The following KLHL15 variants were observed in gnomAD, a reference collection of about 807,000 sequenced individuals.
The protein encoded by KLHL15 is kelch-like protein 15.
KLHL15 carries 1 observed loss-of-function variant against 29.3 expected under a neutral mutation model. The ratio of observed to expected loss-of-function variants is 0.03; its 90% CI spans 0.01 to 0.16. The LOEUF (loss-of-function observed/expected upper bound fraction) is 0.16, where lower values mean the gene tolerates loss of function less well. Ranked by LOEUF, KLHL15 falls within the 10% of genes least tolerant of loss-of-function variation. KLHL15 has a pLI of 1.00. For missense variants in KLHL15, 215 were observed against 478.5 expected (o/e 0.45, Z 5.14); for synonymous variants, 212 against 184.5 (o/e 1.15, Z -1.21).
At chrX:24,019,400 A>G (rs1209710048) in intron 2 of KLHL15, among the ~76,000 whole-genome samples, 3 of 110,352 alleles carry the variant, frequency 2.7e-5, no homozygotes, top group Non-Finnish European at 5.7e-5. Flanking sequence ...GGATTACAGG[A>G]GCCCACCACC....
chrX:24,017,175 G>T (rs1272455669), intron 2 of KLHL15, among the ~76,000 whole-genome samples: 1 of 99,197 alleles, frequency 1.0e-5, no homozygotes, highest in Non-Finnish European at 2.0e-5. Context: ...TGGCGCCATT[G>T]TACTCCAGCC....
intron 2 of KLHL15, among the ~76,000 whole-genome samples, chrX:24,008,087 T>A (rs955507879): frequency 2.6e-4 from 29 of 111,782 alleles, no homozygotes; most frequent in Admixed American, 1.7e-3. Flanking sequence ...CTCATTACCC[T>A]TACTTTGAAA....
In KLHL15 at chrX:24,023,016, T is replaced by A. The variant is rs1041878589; in HGVS notation, c.-8+1841A>T. Among the ~76,000 whole-genome samples the A allele has an allele frequency of 2.7e-5, 3 of 111,984 alleles. No individual in the cohort carries two copies. The East Asian group carries it at 8.4e-4, about 31-fold the overall frequency. On this transcript the variant is annotated intron_variant, in intron 2 of 3. Coordinates refer to ENST00000328046, the MANE Select transcript of KLHL15 (RefSeq NM_030624.3). ...TCCCAAAGTGCTGGGATTACAGGCC[T>A]GAGCCACCGCTCCCGGCTCTCAGTG... is the stretch of plus-strand genomic sequence containing the variant.
rs1474299494 is a variant in KLHL15 at position 23,984,230 on chromosome X, G to A, written c.*3691C>T. On this transcript the variant is annotated 3_prime_UTR_variant, in exon 4 of 4. Coordinates refer to ENST00000328046, the MANE Select transcript of KLHL15 (RefSeq NM_030624.3). Reference sequence around the variant, plus strand: ...TAATATTGAAGTTATACGGTGTACTGAAAGGATATGATTTCCATGAATTTA... The same window carrying A: ...TAATATTGAAGTTATACGGTGTACTAAAAGGATATGATTTCCATGAATTTA... 8.9e-6 allele frequency: 1 copy of A among 112,039 alleles called. No homozygotes were observed. Among genetic ancestry groups the A allele is most frequent in the African/African-American group, 3.2e-5 (1 of 30,897 alleles). 9.2% of individuals were successfully genotyped at this position (112,039 alleles called of 1,213,427 possible).
chrX:24,000,259 G>A (rs1234935474), intron 3 of KLHL15, among the ~76,000 whole-genome samples: 1 of 111,391 alleles, frequency 9.0e-6, no homozygotes, highest in Non-Finnish European at 1.9e-5. Context: ...GCTGAGGCAG[G>A]CAGATCATGA....
At position 23,987,011 on chromosome X, in the gene KLHL15, A is replaced by C. The variant is rs1928998076; in HGVS notation, c.*910T>G. The C allele has an allele frequency of 8.9e-6, 1 of 112,671 alleles. No individual in the cohort carries two copies. The highest frequency in any genetic ancestry group is 3.2e-5 in the African/African-American group (1 of 31,053). 9.3% of individuals were successfully genotyped at this position (112,671 alleles called of 1,213,427 possible). ...CAAAGAAAAACATTTTCAAAAAGAA[A>C]AGACATACATCGACAAAGAACACTA... is the stretch of plus-strand genomic sequence containing the variant. On this transcript the variant is annotated 3_prime_UTR_variant, in exon 4 of 4. Transcript: ENST00000328046.
At chrX:24,007,981 C>T (rs1245233326) in intron 2 of KLHL15, among the ~76,000 whole-genome samples, 1 of 110,159 alleles carries the variant, frequency 9.1e-6, no homozygotes, top group Non-Finnish European at 1.9e-5. Flanking sequence ...ACTAAATACG[C>T]ATATATTTGT....
intron 3 of KLHL15, among the ~76,000 whole-genome samples, chrX:23,994,689 G>GC (rs1378792639): frequency 8.9e-6 from 1 of 111,936 alleles, no homozygotes; most frequent in Non-Finnish European, 1.9e-5. Context: ...GGATTAAACA[G>GC]CTGTCATGTT....
chrX:23,988,971 T>C lies in KLHL15; in HGVS notation c.765A>G (p.Ala255=). The part of the protein sequence containing the change: ...SRQLRYEVDQ[A]LNYFQNVHQQ... ...GGTGAACATTCTGAAAGTAATTCAA[T>C]GCTTGGTCAACTTCGTAACGGAGCT... The change falls in exon 4 of 4, where the codon GCA becomes GCG. Residue 255 remains alanine, a synonymous_variant. Coordinates refer to ENST00000328046, the MANE Select transcript of KLHL15 (RefSeq NM_030624.3). The C allele has an allele frequency of 1.7e-6, 2 of 1,211,083 alleles. No individual in the cohort carries two copies. Among genetic ancestry groups the C allele is most frequent in the African/African-American group, 3.5e-5 (2 of 57,830 alleles).
At chrX:24,007,508 A>ATAT (rs1555977010) in intron 2 of KLHL15, among the ~76,000 whole-genome samples, 463 of 35,764 alleles carry the variant, frequency 0.013, 6 homozygotes, top group Non-Finnish European at 0.017. Flanking sequence ...AAAAAAAAAA[A>ATAT]ATATATATAT....
intron 3 of KLHL15, among the ~76,000 whole-genome samples, chrX:23,996,292 G>C (rs1372685036): frequency 9.0e-6 from 1 of 111,464 alleles, no homozygotes; most frequent in Non-Finnish European, 1.9e-5. Context: ...ACTGAGTCTT[G>C]GTTGTCAGTT....
At chrX:24,019,753 A>AACTCTCTAGT (rs1351687781) in intron 2 of KLHL15, among the ~76,000 whole-genome samples, 2 of 111,675 alleles carry the variant, frequency 1.8e-5, no homozygotes, top group Non-Finnish European at 3.8e-5. Flanking sequence ...GAACACTTCA[A>AACTCTCTAGT]ACTCTCTAGT....
intron 1 of KLHL15, among the ~76,000 whole-genome samples, chrX:24,026,331 TTTTG>T (rs1311080500): frequency 8.9e-6 from 1 of 112,099 alleles, no homozygotes; most frequent in Non-Finnish European, 1.9e-5. Flanking sequence ...GGGCAGTGAT[TTTTG>T]TTGTTCGTTT....
At chrX:24,023,409 A>T (rs1462288449) in intron 2 of KLHL15, among the ~76,000 whole-genome samples, 1 of 112,352 alleles carries the variant, frequency 8.9e-6, no homozygotes, top group Admixed American at 9.5e-5. Context: ...CTTTTTACAA[A>T]ACACAAAAGC....
chrX:24,006,329 G>C lies in KLHL15; in HGVS notation c.365C>G (p.Ser122Cys). ...QLIEVVKFCCSFLLAKICLEN... is the reference protein window; with the variant it reads ...QLIEVVKFCCCFLLAKICLEN... ...TAGGCAGATCTTCGCTAAGAGAAAA[G>C]AGCAGCAGAACTTCACCACTTCTAT... Residue 122 changes from serine (S) to cysteine (C), a missense_variant, in exon 3 of 4, where the codon TCT becomes TGT. By Grantham distance (112) the Ser-to-Cys change is moderately radical (BLOSUM62 -1). Transcript: ENST00000328046. The C allele has an allele frequency of 8.3e-7, 1 of 1,211,561 alleles. No homozygotes were observed. The highest frequency in any genetic ancestry group is 1.1e-6 in the Non-Finnish European group (1 of 895,287).
chrX:24,025,688 G>C (rs1433164840), intron 1 of KLHL15, among the ~76,000 whole-genome samples: 3 of 102,102 alleles, frequency 2.9e-5, no homozygotes, highest in Admixed American at 1.0e-4. Context: ...GTCACTTCCG[G>C]CGCCACGGGA....
intron 2 of KLHL15, among the ~76,000 whole-genome samples, chrX:24,014,234 C>T (rs1221372144): frequency 9.0e-6 from 1 of 111,442 alleles, no homozygotes; most frequent in Non-Finnish European, 1.9e-5. Context: ...AGAACAAGAC[C>T]CCAACTCTGA....
At chrX:24,009,621 G>C (rs756021421) in intron 2 of KLHL15, among the ~76,000 whole-genome samples, 4 of 107,329 alleles carry the variant, frequency 3.7e-5, no homozygotes, top group African/African-American at 1.4e-4. Flanking sequence ...AGCAGGTGGA[G>C]GTCACAGTGA....
rs1254448198 is a variant in KLHL15 at position 23,988,239 on chromosome X, G to A, written c.1497C>T (p.Ile499=). Residue 499 remains isoleucine (I), a synonymous_variant, in exon 4 of 4, where the codon ATC becomes ATT. Coordinates refer to ENST00000328046, the MANE Select transcript of KLHL15 (RefSeq NM_030624.3). ...KLYVFGGVCV[I]LRASFESQGC... ...CCTGAGATTCGAAAGAGGCCCTCAA[G>A]ATCACACAGACACCACCGAAGACAT... 8.3e-7 allele frequency: 1 copy of A among 1,211,307 alleles called. No individual in the cohort carries two copies. The highest frequency in any genetic ancestry group is 3.0e-5 in the East Asian group (1 of 33,853).
Sources: allele counts gnomAD v4.1 joint callset (sites outside exome capture counted in the v4.1 genomes callset), GRCh38; gene constraint gnomAD v4.1.1; transcripts MANE v1.5; gene names NCBI Gene and HGNC (gene_info 2026-07-23, HGNC 2026-07-21).